NCALD: variants seen among roughly 807,000 people sequenced by gnomAD.
NCALD encodes the protein neurocalcin-delta.
In NCALD, 10 loss-of-function variants were observed where a neutral mutation model predicts 18.6. The ratio of observed to expected loss-of-function variants is 0.54; its 90% CI spans 0.33 to 0.91. The LOEUF (loss-of-function observed/expected upper bound fraction) is 0.91. Among genes scored for constraint, NCALD ranks in the 40% least tolerant of loss-of-function variants. The pLI is 0.03. For missense variants in NCALD, 184 were observed against 247.6 expected, an observed-to-expected ratio of 0.74 and a Z score of 1.72; for synonymous variants, 88 against 87.4, an observed-to-expected ratio of 1.01 and a Z score of -0.04.
At chr8:102,045,598 A>C (rs912178517) in intron 1 of NCALD, among the ~76,000 whole-genome samples, 1 of 152,208 alleles carries the variant, frequency 6.6e-6, no homozygotes, top group Non-Finnish European at 1.5e-5. Context: ...CAACTAGCCA[A>C]TTGGTACTTG....
chr8:101,938,766 G>A (rs1818852397), intron 2 of NCALD, among the ~76,000 whole-genome samples: 1 of 152,132 alleles, frequency 6.6e-6, no homozygotes, highest in Non-Finnish European at 1.5e-5. Context: ...CTGAAGCTGA[G>A]GTCAGACCCT....
rs561026109 is a variant in NCALD, at chr8:101,936,836, A to G, written c.-156-20978T>C. ...AGCTCAGAATATTGTGTGGCCAGTT[A>G]AAACCCAACTCTCTTCCACATGACC... On this transcript the variant is annotated intron_variant, in intron 2 of 6. Transcript: ENST00000311028. 2.0e-4 allele frequency among the ~76,000 whole-genome samples: 30 copies of G among 152,296 alleles called. No homozygotes were observed. In the South Asian group the frequency reaches 6.2e-3, roughly 32 times the overall value.
At chr8:101,917,191 T>G (rs1435205484) in intron 2 of NCALD, among the ~76,000 whole-genome samples, 1 of 152,040 alleles carries the variant, frequency 6.6e-6, no homozygotes, top group African/African-American at 2.4e-5. Context: ...AACTCCAAGA[T>G]CTCTCAAAAT....
intron 1 of NCALD, among the ~76,000 whole-genome samples, chr8:101,752,357 T>C (rs1384180059): frequency 6.6e-6 from 1 of 152,176 alleles, no homozygotes; most frequent in Non-Finnish European, 1.5e-5. Flanking sequence ...GAGGAACATC[T>C]AAGTGGAAGA....
At chr8:101,876,542 A>G in intron 4 of NCALD, among the ~76,000 whole-genome samples, 1 of 152,184 alleles carries the variant, frequency 6.6e-6, no homozygotes, top group Non-Finnish European at 1.5e-5. Context: ...CCTGAAGCCT[A>G]ATTTCCTTTT....
rs998363913 is a variant in NCALD, at chr8:101,687,053, C to T, written c.*2256G>A. On this transcript the variant is annotated 3_prime_UTR_variant, in exon 4 of 4. Coordinates refer to ENST00000220931, the MANE Select transcript of NCALD (RefSeq NM_032041.3). ...CTATTTCTATACATTCTGGAAGTGT[C>T]GGCATTCATCAGCCTGCATGTGGCT... The T allele has an allele frequency of 1.3e-5, 2 of 151,990 alleles. No individual in the cohort carries two copies. The highest frequency in any genetic ancestry group is 2.4e-5 in the African/African-American group (1 of 41,352). The allele number at this position is 151,990 out of a possible 1,614,324, so 9.4% of individuals were successfully genotyped here. A position where few individuals can be genotyped will look rare whatever the true frequency, so the allele number is the denominator to read the frequency against.
chr8:101,920,756 G>A (rs555132739), intron 2 of NCALD, among the ~76,000 whole-genome samples: 38 of 152,208 alleles, frequency 2.5e-4, no homozygotes, highest in Admixed American at 7.9e-4. Context: ...GGGAAGAGTT[G>A]AAGGACTAAC....
At chr8:101,829,687 A>T (rs771996862) in intron 4 of NCALD, among the ~76,000 whole-genome samples, 2 of 152,106 alleles carry the variant, frequency 1.3e-5, no homozygotes, top group Non-Finnish European at 2.9e-5. Flanking sequence ...TACAAATTTA[A>T]AGTAGTTTTT....
chr8:102,023,356 G>A (rs928626521), intron 1 of NCALD, among the ~76,000 whole-genome samples: 5 of 152,068 alleles, frequency 3.3e-5, no homozygotes, highest in Non-Finnish European at 5.9e-5. Context: ...GGTTTAGAAC[G>A]AAAACTCATT....
chr8:101,904,525 A>C (rs960588201), intron 3 of NCALD, among the ~76,000 whole-genome samples: 5 of 151,892 alleles, frequency 3.3e-5, no homozygotes, highest in African/African-American at 9.7e-5. Flanking sequence ...ATCTCACTCC[A>C]TCCCTTCACC....
At chr8:101,731,908 T>C (rs1002949573) in intron 1 of NCALD, among the ~76,000 whole-genome samples, 1 of 152,164 alleles carries the variant, frequency 6.6e-6, no homozygotes, top group Non-Finnish European at 1.5e-5. Flanking sequence ...TCCAAGGCTG[T>C]CCCAAACAAA....
chr8:102,007,287 C>T lies in NCALD; in HGVS notation c.-157+12950G>A, dbSNP rs115291134. The stretch of plus-strand genomic sequence containing the variant: ...TAGAAAAAGCTGGGTGAAGGAAATA[C>T]AGGAACTCTTTGTACTACATTTGCA... On this transcript the variant is annotated intron_variant, in intron 2 of 6. Transcript: ENST00000311028. Among the ~76,000 whole-genome samples, 631 of 152,294 alleles carry T rather than the reference C, an allele frequency of 4.1e-3. 8 individuals are homozygous for T. The highest frequency in any genetic ancestry group is 0.014 in the African/African-American group (589 of 41,556).
chr8:101,966,400 C>G (rs1820032404), intron 2 of NCALD, among the ~76,000 whole-genome samples: 1 of 147,706 alleles, frequency 6.8e-6, no homozygotes, highest in South Asian at 2.1e-4. Context: ...CCAAACACCA[C>G]ATGTTCTCAC....
intron 1 of NCALD, among the ~76,000 whole-genome samples, chr8:101,757,461 T>C (rs1284411461): frequency 6.6e-6 from 1 of 152,188 alleles, no homozygotes; most frequent in Non-Finnish European, 1.5e-5. Flanking sequence ...AGAGGGCCAG[T>C]CATCTCTAGT....
intron 4 of NCALD, among the ~76,000 whole-genome samples, chr8:101,861,385 G>A (rs941859329): frequency 7.2e-5 from 11 of 151,930 alleles, no homozygotes; most frequent in Admixed American, 3.9e-4. Flanking sequence ...GGGAGAGACC[G>A]CTGTGGCTCT....
At chr8:102,035,745 A>G (rs1364633503) in intron 1 of NCALD, among the ~76,000 whole-genome samples, 1 of 152,148 alleles carries the variant, frequency 6.6e-6, no homozygotes, top group Admixed American at 6.6e-5. Context: ...CACAATTGCA[A>G]AGATAAAAAT....
At chr8:101,780,694 A>T (rs74939319) in intron 1 of NCALD, among the ~76,000 whole-genome samples, 1 of 152,180 alleles carries the variant, frequency 6.6e-6, no homozygotes, top group African/African-American at 2.4e-5. Flanking sequence ...TGAAACGTAC[A>T]CATAAAGATG....
intron 4 of NCALD, among the ~76,000 whole-genome samples, chr8:101,818,885 A>T (rs1813606900): frequency 6.6e-6 from 1 of 152,118 alleles, no homozygotes; most frequent in Admixed American, 6.6e-5. Flanking sequence ...CATGCCTGTA[A>T]TCCCAGCTAC....
chr8:101,866,299 A>G (rs1022305492), intron 4 of NCALD, among the ~76,000 whole-genome samples: 7 of 152,046 alleles, frequency 4.6e-5, no homozygotes, highest in African/African-American at 1.7e-4. Flanking sequence ...TGATCTCTAC[A>G]TTGGAGTCAT....
Sources: allele counts gnomAD v4.1 joint callset (sites outside exome capture counted in the v4.1 genomes callset), GRCh38; gene constraint gnomAD v4.1.1; transcripts MANE v1.5; gene names NCBI Gene and HGNC (gene_info 2026-07-23, HGNC 2026-07-21).